The following STAU2 variants were observed in gnomAD, a reference collection of about 807,000 sequenced individuals.
STAU2 encodes the protein double-stranded RNA-binding protein Staufen homolog 2.
STAU2 carries 20 observed loss-of-function variants against 65.9 expected under a neutral mutation model. The observed-to-expected ratio is 0.30, with a 90% confidence interval of 0.21 to 0.44. The LOEUF is 0.44. Ranked by LOEUF, STAU2 falls within the 20% of genes least tolerant of loss-of-function variation. The probability of loss-of-function intolerance (pLI) is 1.00; values close to 1 mark genes in which losing one functional copy is unlikely to be tolerated. For missense variants in STAU2, 558 were observed against 683.9 expected (o/e 0.82, Z 2.05); for synonymous variants, 232 against 233.9 (o/e 0.99, Z 0.07).
chr8:73,485,001 T>C (rs934569229), intron 13 of STAU2, among the ~76,000 whole-genome samples: 25 of 152,220 alleles, frequency 1.6e-4, no homozygotes, highest in African/African-American at 4.6e-4. Flanking sequence ...TTCAGGTAGA[T>C]ACATTCTAAT....
chr8:73,642,809 G>C (rs1815089751), intron 6 of STAU2, among the ~76,000 whole-genome samples: 1 of 152,166 alleles, frequency 6.6e-6, no homozygotes, highest in Admixed American at 6.5e-5. Context: ...TTAGACCTTG[G>C]CAAATGAGAG....
At chr8:73,577,176 C>G (rs1809623552) in intron 12 of STAU2, among the ~76,000 whole-genome samples, 1 of 152,084 alleles carries the variant, frequency 6.6e-6, no homozygotes, top group Non-Finnish European at 1.5e-5. Flanking sequence ...CGCCTGTAAT[C>G]CCAGCACTTT....
In STAU2 at chr8:73,505,541, C is replaced by G. The variant is rs138715333; in HGVS notation, c.1530+46471G>C. ...GTTTGGACCTAAAAATGCATGGTGA[C>G]ATGTTTTTCCACTCTTTCTTCAAAT... On this transcript the variant is annotated intron_variant, in intron 13 of 14. Transcript: ENST00000524300. Among the ~76,000 whole-genome samples the G allele has an allele frequency of 6.7e-3, 1,013 of 152,158 alleles. 12 individuals are homozygous for G. Among genetic ancestry groups the G allele is most frequent in the African/African-American group, 0.023 (974 of 41,514 alleles).
At chr8:73,645,194 T>C (rs901429157) in intron 6 of STAU2, among the ~76,000 whole-genome samples, 3 of 152,118 alleles carry the variant, frequency 2.0e-5, no homozygotes, top group Non-Finnish European at 4.4e-5. Context: ...AAAACCTTAA[T>C]AGAATATTAG....
rs1312763551 is a variant in STAU2 at position 73,651,591 on chromosome 8, C to T, written c.410+21516G>A. 1.1e-5 allele frequency: 8 copies of T among 736,902 alleles called. No homozygotes were observed. In the East Asian group the frequency reaches 2.5e-4, roughly 23 times the overall value. 45.6% of individuals were successfully genotyped at this position (736,902 alleles called of 1,614,324 possible). On this transcript the variant is annotated intron_variant, in intron 6 of 14. Coordinates refer to ENST00000524300, the MANE Select transcript of STAU2 (RefSeq NM_001164380.2). ...TGGGCACCCCTGCCTGGGCCCCAGA[C>T]TCTGATGCTGTCCCCTGGCTCCTTC...
chr8:73,669,656 TC>T (rs2130384681), intron 6 of STAU2, among the ~76,000 whole-genome samples: 1 of 151,860 alleles, frequency 6.6e-6, no homozygotes, highest in Admixed American at 6.6e-5. Flanking sequence ...TCTCTCTCTC[TC>T]TCTCTCTCTC....
upstream of STAU2, chr8:73,747,367 C>T (rs1482527496): frequency 1.1e-5 from 17 of 1,535,302 alleles, no homozygotes; most frequent in Non-Finnish European, 1.5e-5. Flanking sequence ...GCACCCTGTG[C>T]TCTGATTCCC....
At chr8:73,428,657 C>A (rs1015282995) in intron 13 of STAU2, among the ~76,000 whole-genome samples, 4 of 152,112 alleles carry the variant, frequency 2.6e-5, no homozygotes, top group African/African-American at 9.7e-5. Context: ...TTTTAAAAAT[C>A]TTTTAAAAAA....
intron 12 of STAU2, among the ~76,000 whole-genome samples, chr8:73,555,448 TAAATAGCTTA>T (rs1807671606): frequency 6.6e-6 from 1 of 152,122 alleles, no homozygotes; most frequent in Non-Finnish European, 1.5e-5. Flanking sequence ...AAAAACACTT[TAAATAGCTTA>T]AAATAATACA....
rs775921900 is a variant in STAU2 at position 73,590,204 on chromosome 8, TAGAA to T, written c.1161+4958_1161+4961del. Among the ~76,000 whole-genome samples, 617 of 139,946 alleles carry T rather than the reference TAGAA, an allele frequency of 4.4e-3. 6 individuals are homozygous for T. The highest frequency in any genetic ancestry group is 0.015 in the African/African-American group (568 of 37,660). 91.8% of individuals were successfully genotyped at this position (139,946 alleles called of 152,430 possible). On this transcript the variant is annotated intron_variant, in intron 11 of 14. Transcript: ENST00000524300. ...GGAGGAAAAGGAGAAGGAAGAAAAA[TAGAA>T]AGAAGGGAGGAAGAAGGGTGGGAAA...
intron 12 of STAU2, among the ~76,000 whole-genome samples, chr8:73,575,237 C>T (rs1809447940): frequency 6.6e-6 from 1 of 151,452 alleles, no homozygotes; most frequent in South Asian, 2.1e-4. Context: ...CATAGATCTA[C>T]CAAATACATA....
chr8:73,544,745 T>C (rs545633192), intron 13 of STAU2, among the ~76,000 whole-genome samples: 2 of 152,366 alleles, frequency 1.3e-5, no homozygotes, highest in Admixed American at 6.5e-5. Flanking sequence ...ATACTTACTA[T>C]GTCATTTATT....
intron 13 of STAU2, among the ~76,000 whole-genome samples, chr8:73,462,455 G>C (rs2128900565): frequency 6.6e-6 from 1 of 152,008 alleles, no homozygotes; most frequent in South Asian, 2.1e-4. Flanking sequence ...GACTTTAGTG[G>C]CATGATCATG....
At chr8:73,574,553 A>G (rs1402743031) in intron 12 of STAU2, among the ~76,000 whole-genome samples, 1 of 152,250 alleles carries the variant, frequency 6.6e-6, no homozygotes, top group Admixed American at 6.5e-5. Flanking sequence ...TGGCACATAT[A>G]CACCATGGAA....
chr8:73,746,812 T>G lies in STAU2; in HGVS notation c.-226A>C, dbSNP rs1025068531. ...TTGCCGGGGACACTTTGCAGACGGC[T>G]CCAACATTGGCAAACACTACAGAGA... On this transcript the variant is annotated 5_prime_UTR_variant, in exon 1 of 15. Coordinates refer to ENST00000524300, the MANE Select transcript of STAU2 (RefSeq NM_001164380.2). 1 of 1,231,026 alleles carries G rather than the reference T, an allele frequency of 8.1e-7. No individual in the cohort carries two copies. The highest frequency in any genetic ancestry group is 4.2e-5 in the Admixed American group (1 of 23,622). 76.3% of individuals were successfully genotyped at this position (1,231,026 alleles called of 1,614,324 possible).
At chr8:73,694,053 A>G (rs1239818603) in intron 4 of STAU2, among the ~76,000 whole-genome samples, 1 of 152,264 alleles carries the variant, frequency 6.6e-6, no homozygotes, top group Admixed American at 6.5e-5. Context: ...GAATGGCTAT[A>G]TTAATATCAG....
chr8:73,438,337 G>A (rs931607557), intron 13 of STAU2, among the ~76,000 whole-genome samples: 3 of 152,178 alleles, frequency 2.0e-5, no homozygotes, highest in Non-Finnish European at 4.4e-5. Flanking sequence ...GGACAGCGAC[G>A]GCAGTGGAAC....
At chr8:73,586,720 T>C (rs897609183) in intron 11 of STAU2, among the ~76,000 whole-genome samples, 1 of 147,300 alleles carries the variant, frequency 6.8e-6, no homozygotes, top group Non-Finnish European at 1.5e-5. Context: ...ATAGGAAGGC[T>C]TAAAAGGAAT....
chr8:73,739,637 T>C (rs1806697178), intron 2 of STAU2, 119 bp downstream of exon 2: 3 of 882,520 alleles, frequency 3.4e-6, no homozygotes, highest in Non-Finnish European at 4.7e-6. Context: ...AGCATCTGCA[T>C]CAATTTTTAT....
Sources: gnomAD v4.1 joint callset for allele counts (sites outside exome capture counted in the v4.1 genomes callset) on GRCh38, gnomAD v4.1.1 for gene constraint, MANE v1.5 for transcripts, NCBI Gene and HGNC (gene_info 2026-07-23, HGNC 2026-07-21) for gene names.